The following C10orf90 variants were observed in gnomAD, a reference collection of about 807,000 sequenced individuals.
C10orf90 encodes the protein chromosome 10 open reading frame 90, also known as (E2-independent) E3 ubiquitin-conjugating enzyme FATS.
Under a neutral mutation model 62.5 loss-of-function variants are expected in C10orf90, and 56 were observed. The ratio of observed to expected loss-of-function variants is 0.90; its 90% confidence interval spans 0.72 to 1.12. The LOEUF is 1.12. C10orf90 is among the 50% of genes most tolerant of loss of function. The probability of loss-of-function intolerance (pLI) is 0.00; values close to 1 mark genes in which losing one functional copy is unlikely to be tolerated. For synonymous variants in C10orf90, 386 were observed against 340.4 expected, an observed-to-expected ratio of 1.13 and a Z score of -1.47; for missense variants, 970 against 880.4, an observed-to-expected ratio of 1.10 and a Z score of -1.29.
intron 2 of C10orf90, among the ~76,000 whole-genome samples, chr10:126,519,047 A>C (rs1301466955): frequency 1.3e-5 from 2 of 152,164 alleles, no homozygotes; most frequent in Non-Finnish European, 2.9e-5. Context: ...CGGCTTTGCT[A>C]TCCCCAGCCT....
intron 1 of C10orf90, among the ~76,000 whole-genome samples, chr10:126,667,414 G>A (rs1053079268): frequency 1.3e-5 from 2 of 152,116 alleles, no homozygotes; most frequent in East Asian, 3.9e-4. Flanking sequence ...AATGATGATG[G>A]AGATTTTGAA....
In C10orf90 at chr10:126,564,987, A is replaced by T. The variant is rs374995848; in HGVS notation, c.314-51048T>A. ...AAATATATATAATATATAAAATATA[A>T]AATATATATTATATATAATATATAT... is the stretch of plus-strand genomic sequence containing the variant. On this transcript the variant is annotated intron_variant, in intron 2 of 9. Coordinates refer to ENST00000488181, the MANE Select transcript of C10orf90 (RefSeq NM_001350921.2). Among the ~76,000 whole-genome samples the T allele has an allele frequency of 5.9e-4, 8 of 13,612 alleles. 1 individual carries two copies. Among genetic ancestry groups the T allele is most frequent in the African/African-American group, 9.4e-4 (4 of 4,246 alleles). The allele number at this position is 13,612 out of a possible 152,430, so 8.9% of individuals were successfully genotyped here. A position where few individuals can be genotyped will look rare whatever the true frequency, so the allele number is the denominator to read the frequency against.
At chr10:126,488,039 A>G (rs1308132692) in intron 4 of C10orf90, among the ~76,000 whole-genome samples, 1 of 152,130 alleles carries the variant, frequency 6.6e-6, no homozygotes, top group Admixed American at 6.5e-5. Flanking sequence ...ACTCCCAACT[A>G]TCACAGACAA....
Position 126,442,485 on chromosome 10 carries a change from A to ATATATCTATATATATATC in C10orf90, c.2189-12636_2189-12635insGATATATATATAGATATA, listed in dbSNP as rs1554886174. Among the ~76,000 whole-genome samples, 35 of 76,522 alleles carry ATATATCTATATATATATC rather than the reference A, an allele frequency of 4.6e-4. 1 individual carries two copies. The highest frequency in any genetic ancestry group is 1.7e-3 in the African/African-American group (35 of 21,092). The allele number at this position is 76,522 out of a possible 152,430, so 50.2% of individuals were successfully genotyped here. A position where few individuals can be genotyped will look rare whatever the true frequency, so the allele number is the denominator to read the frequency against. On this transcript the variant is annotated intron_variant, in intron 7 of 9. Coordinates refer to ENST00000488181, the MANE Select transcript of C10orf90 (RefSeq NM_001350921.2). Reference sequence around the variant, plus strand: ...TAGGGAACTTCAATATTTCATATATATATATATATATATATATATATATCT... The same window carrying ATATATCTATATATATATC: ...TAGGGAACTTCAATATTTCATATATATATATCTATATATATATCTATATATATATATATATATATATCT...
In C10orf90 at chr10:126,461,348, A is replaced by G. The variant is rs906649470; in HGVS notation, c.2010+53T>C. 20 of 1,596,174 alleles carry G rather than the reference A, an allele frequency of 1.3e-5. No individual in the cohort carries two copies. The African/African-American group carries it at 2.6e-4, about 20-fold the overall frequency. ...GAGGTTGTGTGCTCACGGACTCCCT[A>G]GGAAATCTCTCCCTTTGGCAGGAAT... On this transcript the variant is annotated intron_variant, in intron 6 of 9. Coordinates refer to ENST00000488181, the MANE Select transcript of C10orf90 (RefSeq NM_001350921.2).
chr10:126,482,881 G>T (rs1861235967), intron 4 of C10orf90, among the ~76,000 whole-genome samples: 1 of 152,210 alleles, frequency 6.6e-6, no homozygotes, highest in Non-Finnish European at 1.5e-5. Context: ...AAATTTCTCT[G>T]CTGGAAAAGG....
chr10:126,525,477 C>A (rs149551891), intron 2 of C10orf90, among the ~76,000 whole-genome samples: 114 of 152,282 alleles, frequency 7.5e-4, no homozygotes, highest in East Asian at 4.6e-3. Flanking sequence ...TTGGCCGGAG[C>A]AGAATGTCTA....
In C10orf90 at chr10:126,664,508, T is replaced by G. The variant is rs535094465; in HGVS notation, c.240+5733A>C. Among the ~76,000 whole-genome samples the G allele has an allele frequency of 5.3e-5, 8 of 152,312 alleles. No individual in the cohort carries two copies. In the South Asian group the frequency reaches 1.7e-3, roughly 32 times the overall value. On this transcript the variant is annotated intron_variant, in intron 1 of 9. Transcript: ENST00000488181. ...AAACTAGGCTCAAAGAGAAGAAAATTGCCAAGGTCACTTAGCTGGTGAGAG... is the reference window on the plus strand; with the variant it reads ...AAACTAGGCTCAAAGAGAAGAAAATGGCCAAGGTCACTTAGCTGGTGAGAG...
intron 2 of C10orf90, among the ~76,000 whole-genome samples, chr10:126,606,855 A>G (rs1372201750): frequency 6.6e-6 from 1 of 152,200 alleles, no homozygotes; most frequent in Non-Finnish European, 1.5e-5. Context: ...ACCAGTCATT[A>G]GATGTAACTG....
At chr10:126,583,600 G>GT (rs1350737118) in intron 2 of C10orf90, among the ~76,000 whole-genome samples, 5 of 152,138 alleles carry the variant, frequency 3.3e-5, no homozygotes, top group Non-Finnish European at 7.4e-5. Context: ...ATGGTGAGTA[G>GT]TTTCTCTTAT....
At chr10:126,457,873 T>A (rs1368965028) in intron 7 of C10orf90, among the ~76,000 whole-genome samples, 2 of 152,218 alleles carry the variant, frequency 1.3e-5, no homozygotes, top group African/African-American at 4.8e-5. Flanking sequence ...AACCTTTATC[T>A]GCCAATGGAC....
chr10:126,558,366 G>A (rs1444024927), intron 2 of C10orf90, among the ~76,000 whole-genome samples: 2 of 151,966 alleles, frequency 1.3e-5, no homozygotes, highest in Admixed American at 6.6e-5. Flanking sequence ...TCCAAACCCC[G>A]AAGCATGACA....
intron 2 of C10orf90, among the ~76,000 whole-genome samples, chr10:126,639,445 C>T (rs1324543362): frequency 2.6e-5 from 4 of 152,178 alleles, no homozygotes; most frequent in Non-Finnish European, 5.9e-5. Flanking sequence ...ATCAGGATAC[C>T]GATGCCCAAA....
At chr10:126,586,861 C>A (rs756779109) in intron 2 of C10orf90, among the ~76,000 whole-genome samples, 2 of 152,166 alleles carry the variant, frequency 1.3e-5, no homozygotes, top group Admixed American at 1.3e-4. Context: ...CCCGCACCCC[C>A]CAGCCTCAGG....
At chr10:126,626,615 A>G (rs1412557301) in intron 2 of C10orf90, among the ~76,000 whole-genome samples, 2 of 152,300 alleles carry the variant, frequency 1.3e-5, no homozygotes, top group East Asian at 1.9e-4. Context: ...ATTAAAATGG[A>G]TCAGTAAGGA....
At chr10:126,606,007 G>T (rs756967665) in intron 2 of C10orf90, among the ~76,000 whole-genome samples, 9 of 152,150 alleles carry the variant, frequency 5.9e-5, no homozygotes, top group Non-Finnish European at 8.8e-5. Context: ...CCACTTTTGA[G>T]ATTCAAATTA....
At chr10:126,539,793 T>A (rs1437705917) in intron 2 of C10orf90, among the ~76,000 whole-genome samples, 1 of 152,194 alleles carries the variant, frequency 6.6e-6, no homozygotes, top group Non-Finnish European at 1.5e-5. Context: ...ATATAAACAA[T>A]GAAATTTCTT....
At chr10:126,636,579 C>A (rs1247310760) in intron 2 of C10orf90, among the ~76,000 whole-genome samples, 1 of 152,204 alleles carries the variant, frequency 6.6e-6, no homozygotes, top group East Asian at 1.9e-4. Flanking sequence ...TTGTCTCCTC[C>A]AGCTCTGCCA....
At chr10:126,606,286 T>C (rs1044300773) in intron 2 of C10orf90, among the ~76,000 whole-genome samples, 4 of 152,194 alleles carry the variant, frequency 2.6e-5, no homozygotes, top group Admixed American at 6.5e-5. Context: ...TAGGTTATAA[T>C]CAGTATGATA....
Sources: allele counts gnomAD v4.1 joint callset (sites outside exome capture counted in the v4.1 genomes callset), GRCh38; gene constraint gnomAD v4.1.1; transcripts MANE v1.5; gene names NCBI Gene and HGNC (gene_info 2026-07-23, HGNC 2026-07-21).